Variants in PTPRO observed in about 807,000 individuals in gnomAD.
PTPRO encodes the protein receptor-type tyrosine-protein phosphatase O.
In PTPRO, 62 loss-of-function variants were observed where a neutral mutation model predicts 145.2. The observed-to-expected ratio is 0.43, with a 90% CI of 0.35 to 0.53. The LOEUF is 0.53. Ranked by LOEUF, PTPRO falls within the 20% of genes least tolerant of loss-of-function variation. The pLI is 0.01. For synonymous variants in PTPRO, 565 were observed against 514.7 expected (o/e 1.10, Z -1.32); for missense variants, 1,345 against 1,482.7 (o/e 0.91, Z 1.53).
At chr12:15,377,893 C>T (rs776859528) in intron 1 of PTPRO, among the ~76,000 whole-genome samples, 2 of 151,942 alleles carry the variant, frequency 1.3e-5, no homozygotes, top group Non-Finnish European at 2.9e-5. Flanking sequence ...TTCTAAATAA[C>T]CAATGGGTCA....
chr12:15,510,986 G>T (rs1185735943), intron 7 of PTPRO, among the ~76,000 whole-genome samples: 5 of 114,718 alleles, frequency 4.4e-5, no homozygotes, highest in Non-Finnish European at 8.5e-5. Flanking sequence ...GGGTAACATA[G>T]TGAAACTCTG....
In PTPRO at chr12:15,516,845, C is replaced by A. The variant is rs376460659; in HGVS notation, c.1668C>A (p.Gly556=). 5 of 1,611,794 alleles carry A rather than the reference C, an allele frequency of 3.1e-6. 1 individual carries two copies. In the South Asian group the frequency reaches 3.3e-5, roughly 11 times the overall value. ...TGAGCTGGACCAGACCTTATTTAGGCGTGTTCAGAAAATACGTGGTTGAAA... is the reference window on the plus strand; with the variant it reads ...TGAGCTGGACCAGACCTTATTTAGGAGTGTTCAGAAAATACGTGGTTGAAA... ...VVLSWTRPYL[G]VFRKYVVEMF... is the part of the protein sequence containing the mutation. The change falls in exon 9 of 27, where the codon GGC becomes GGA. Residue 556 remains glycine, a synonymous_variant. Coordinates refer to ENST00000281171, the MANE Select transcript of PTPRO (RefSeq NM_030667.3).
chr12:15,570,057 A>T (rs1379585888), intron 19 of PTPRO, among the ~76,000 whole-genome samples: 1 of 152,250 alleles, frequency 6.6e-6, no homozygotes, highest in African/African-American at 2.4e-5. Flanking sequence ...TGTGTTAAGA[A>T]AAAAATTGAC....
At chr12:15,594,872 A>G (rs1944625941) in intron 25 of PTPRO, 65 bp from the exon 26 acceptor site, 6 of 1,120,634 alleles carry the variant, frequency 5.4e-6, no homozygotes, top group Admixed American at 1.8e-5. Context: ...TAAAATTGTC[A>G]TAGTATAAAA....
intron 3 of PTPRO, among the ~76,000 whole-genome samples, chr12:15,497,740 T>C (rs1942137641): frequency 6.6e-6 from 1 of 152,246 alleles, no homozygotes; most frequent in Non-Finnish European, 1.5e-5. Context: ...TTTCTGGGTA[T>C]GATAGATGGG....
intron 1 of PTPRO, among the ~76,000 whole-genome samples, chr12:15,365,913 C>G (rs1410145574): frequency 1.3e-5 from 2 of 152,024 alleles, no homozygotes; most frequent in Non-Finnish European, 2.9e-5. Context: ...GAATCCTGGC[C>G]CATTAGAGAT....
At chr12:15,516,618 G>C in intron 8 of PTPRO, 145 bp from the exon 9 acceptor site, 1 of 672,366 alleles carries the variant, frequency 1.5e-6, no homozygotes, top group South Asian at 1.7e-5. Context: ...AGGGAGGAAG[G>C]AAGGAAGGAA....
intron 25 of PTPRO, among the ~76,000 whole-genome samples, chr12:15,592,552 C>G (rs572636502): frequency 1.3e-5 from 2 of 152,250 alleles, no homozygotes; most frequent in African/African-American, 4.8e-5. Context: ...GTGACCTGCC[C>G]TCTTCCTCTT....
At position 15,420,148 on chromosome 12, in the gene PTPRO, GAAAAAAA is replaced by G. The variant is rs35302259; in HGVS notation, c.76-63809_76-63803del. The stretch of plus-strand genomic sequence containing the variant: ...GGCGAAAGAGCGAGACTCCGACTCA[GAAAAAAA>G]AAAAAAAAAAAAAAAAGAGTGTCCC... On this transcript the variant is annotated intron_variant, in intron 1 of 26. Transcript: ENST00000281171. Among the ~76,000 whole-genome samples the G allele has an allele frequency of 7.3e-5, 6 of 81,706 alleles. No individual in the cohort carries two copies. In the East Asian group the frequency reaches 1.5e-3, roughly 20 times the overall value. The allele number at this position is 81,706 out of a possible 152,430, so 53.6% of individuals were successfully genotyped here. A position where few individuals can be genotyped will look rare whatever the true frequency, so the allele number is the denominator to read the frequency against.
At chr12:15,447,384 C>G (rs1327173753) in intron 1 of PTPRO, among the ~76,000 whole-genome samples, 2 of 152,016 alleles carry the variant, frequency 1.3e-5, no homozygotes, top group African/African-American at 2.4e-5. Flanking sequence ...AAAGGCAAAG[C>G]AATGTGGGTG....
At chr12:15,588,642 T>G (rs1474550809) in intron 24 of PTPRO, among the ~76,000 whole-genome samples, 2 of 152,270 alleles carry the variant, frequency 1.3e-5, no homozygotes, top group Middle Eastern at 3.4e-3. Flanking sequence ...AAGGCAGGTC[T>G]GGGGTGGTGA....
intron 19 of PTPRO, among the ~76,000 whole-genome samples, chr12:15,572,320 T>C (rs892242089): frequency 6.6e-6 from 1 of 152,196 alleles, no homozygotes; most frequent in Non-Finnish European, 1.5e-5. Context: ...ATAAGTGGAG[T>C]AAGTTTTCCC....
chr12:15,473,996 G>A (rs1224494691), intron 1 of PTPRO, among the ~76,000 whole-genome samples: 1 of 152,102 alleles, frequency 6.6e-6, no homozygotes, highest in East Asian at 1.9e-4. Context: ...CAGGTAAAAG[G>A]CTACAGAGGC....
chr12:15,583,245 G>A (rs904078926), intron 23 of PTPRO, among the ~76,000 whole-genome samples: 2 of 152,140 alleles, frequency 1.3e-5, no homozygotes, highest in African/African-American at 4.8e-5. Context: ...ACTTTGAGAG[G>A]CTGAGGCGAG....
Position 15,322,559 on chromosome 12 carries a change from AGAG to A in PTPRO, c.-162_-160del, listed in dbSNP as rs745762607. The A allele has an allele frequency of 5.7e-5, 39 of 681,022 alleles. No individual in the cohort carries two copies. The highest frequency in any genetic ancestry group is 2.0e-4 in the South Asian group (13 of 63,802). 42.2% of individuals were successfully genotyped at this position (681,022 alleles called of 1,614,324 possible). A position where few individuals can be genotyped will look rare whatever the true frequency, so the allele number is the denominator to read the frequency against. On this transcript the variant is annotated 5_prime_UTR_variant, in exon 1 of 27. Transcript: ENST00000281171. The surrounding 1 kb of genome is among the most constrained non-coding windows in gnomAD (Gnocchi z 6.3). ...CACGTTCTTGGAGGACCCCGGGCGC[AGAG>A]GAGGAAAGGGAGCAGGCGCAGGGGG...
intron 1 of PTPRO, among the ~76,000 whole-genome samples, chr12:15,448,784 T>C (rs1015945422): frequency 5.3e-5 from 8 of 152,210 alleles, no homozygotes; most frequent in Non-Finnish European, 1.0e-4. Flanking sequence ...AAGTTTCTGT[T>C]GATTGAAAAA....
At chr12:15,372,238 A>G (rs1220809073) in intron 1 of PTPRO, among the ~76,000 whole-genome samples, 1 of 152,148 alleles carries the variant, frequency 6.6e-6, no homozygotes, top group Non-Finnish European at 1.5e-5. Flanking sequence ...CCCTCTTAGC[A>G]TGTAGGGGTG....
intron 1 of PTPRO, among the ~76,000 whole-genome samples, chr12:15,334,097 A>G (rs148976309): frequency 1.1e-3 from 161 of 152,296 alleles, no homozygotes; most frequent in African/African-American, 3.1e-3. Flanking sequence ...TTGTCTCTAG[A>G]CCTCAAAAGG....
At chr12:15,359,752 T>C (rs748103194) in intron 1 of PTPRO, among the ~76,000 whole-genome samples, 16 of 152,128 alleles carry the variant, frequency 1.1e-4, no homozygotes, top group Non-Finnish European at 2.1e-4. Flanking sequence ...TCTGTCATGT[T>C]TTTCAAGTTT....
Sources: gnomAD v4.1 joint callset for allele counts (sites outside exome capture counted in the v4.1 genomes callset) on GRCh38, gnomAD v4.1.1 for gene constraint, Gnocchi (gnomAD v3.1) non-coding constraint, MANE v1.5 for transcripts, NCBI Gene and HGNC (gene_info 2026-07-23, HGNC 2026-07-21) for gene names.